OSBPL10: variants seen among roughly 807,000 people sequenced by gnomAD.
The protein encoded by OSBPL10 is oxysterol binding protein like 10.
In OSBPL10, 49 loss-of-function variants were observed where a neutral mutation model predicts 81.7. The ratio of observed to expected loss-of-function variants is 0.60; its 90% CI spans 0.48 to 0.76. OSBPL10 has a LOEUF of 0.76. Ranked by LOEUF, OSBPL10 falls within the 30% of genes least tolerant of loss-of-function variation. The pLI, the probability that OSBPL10 is intolerant of heterozygous loss-of-function variation, is 0.00. For missense variants in OSBPL10, 923 were observed against 987.8 expected (o/e 0.93, Z 0.88); for synonymous variants, 419 against 383.6 (o/e 1.09, Z -1.08).
chr3:31,838,926 C>T (rs887430157), intron 3 of OSBPL10, among the ~76,000 whole-genome samples: 1 of 152,206 alleles, frequency 6.6e-6, no homozygotes, highest in African/African-American at 2.4e-5. Flanking sequence ...GTAGACTACA[C>T]CCCGCATAGC....
At chr3:31,812,775 A>AACTTCTCC in intron 4 of OSBPL10, among the ~76,000 whole-genome samples, 1 of 52,100 alleles carries the variant, frequency 1.9e-5, no homozygotes, top group African/African-American at 9.0e-5. Context: ...AGAAAGAAAG[A>AACTTCTCC]AAGAAAGAAA....
intron 1 of OSBPL10, among the ~76,000 whole-genome samples, chr3:31,889,003 G>A (rs558872314): frequency 1.1e-3 from 167 of 152,106 alleles, no homozygotes; most frequent in African/African-American, 3.9e-3. Context: ...ATGATCTGAA[G>A]ATATTTCTCA....
Position 31,822,913 on chromosome 3 carries a change from T to TAAAAAAAAAAAA in OSBPL10, c.729+7115_729+7126dup, listed in dbSNP as rs71097447. 4.9e-3 allele frequency among the ~76,000 whole-genome samples: 437 copies of TAAAAAAAAAAAA among 88,964 alleles called. 24 individuals carry two copies. Among genetic ancestry groups the TAAAAAAAAAAAA allele is most frequent in the African/African-American group, 7.1e-3 (181 of 25,396 alleles). The allele number at this position is 88,964 out of a possible 152,430, so 58.4% of individuals were successfully genotyped here. A position where few individuals can be genotyped will look rare whatever the true frequency, so the allele number is the denominator to read the frequency against. ...TCCAACAGAGTGAGACCCCCAACTC[T>TAAAAAAAAAAAA]AAAAAAAAAAAAAAAGTTAAAATAG... is the stretch of plus-strand genomic sequence containing the variant. On this transcript the variant is annotated intron_variant, in intron 4 of 11. Transcript: ENST00000396556.
intron 1 of OSBPL10, among the ~76,000 whole-genome samples, chr3:31,886,620 G>A (rs1363396467): frequency 6.6e-6 from 1 of 152,190 alleles, no homozygotes; most frequent in Non-Finnish European, 1.5e-5. Flanking sequence ...CCTGACCAAT[G>A]GCAACTATGC....
chr3:31,722,851 A>G (rs958480251), intron 6 of OSBPL10, among the ~76,000 whole-genome samples: 1 of 152,170 alleles, frequency 6.6e-6, no homozygotes, highest in African/African-American at 2.4e-5. Flanking sequence ...TAAAGATTTG[A>G]TACTCTTACA....
chr3:32,068,239 G>C (rs1216901813), intron 1 of OSBPL10, among the ~76,000 whole-genome samples: 1 of 152,140 alleles, frequency 6.6e-6, no homozygotes, highest in African/African-American at 2.4e-5. Context: ...GTCTTCCCTT[G>C]GTGTTTAATC....
chr3:31,788,843 T>C (rs1250329777), intron 4 of OSBPL10, among the ~76,000 whole-genome samples: 7 of 152,120 alleles, frequency 4.6e-5, no homozygotes, highest in African/African-American at 1.4e-4. Flanking sequence ...ATAGACATTG[T>C]AGGAAATTTG....
At position 31,781,245 on chromosome 3, in the gene OSBPL10, A is replaced by T. The variant is rs536944180; in HGVS notation, c.730-33125T>A. 4.2e-4 allele frequency among the ~76,000 whole-genome samples: 64 copies of T among 152,354 alleles called. 2 individuals carry two copies. The South Asian group carries it at 0.013, about 31-fold the overall frequency. On this transcript the variant is annotated intron_variant, in intron 4 of 11. Coordinates refer to ENST00000396556, the MANE Select transcript of OSBPL10 (RefSeq NM_017784.5). ...TCATCTCAATAGCTGTGGAAAAAGC[A>T]TTTGACAAAATCCAGCATTACTTTA...
intron 4 of OSBPL10, among the ~76,000 whole-genome samples, chr3:31,764,510 AAG>A: frequency 6.6e-6 from 1 of 152,328 alleles, no homozygotes; most frequent in South Asian, 2.1e-4. Flanking sequence ...AGAATAAAGA[AAG>A]AGGAACGAAG....
chr3:31,768,126 G>A (rs1252908062), intron 4 of OSBPL10, among the ~76,000 whole-genome samples: 1 of 152,182 alleles, frequency 6.6e-6, no homozygotes, highest in Non-Finnish European at 1.5e-5. Flanking sequence ...AGGCCATATA[G>A]GGTAGTTTCC....
At chr3:32,060,399 G>A (rs1049513754) in intron 1 of OSBPL10, among the ~76,000 whole-genome samples, 4 of 152,048 alleles carry the variant, frequency 2.6e-5, no homozygotes, top group African/African-American at 9.7e-5. Context: ...AAATGCCCAG[G>A]CCGAACGCCA....
chr3:31,993,793 C>T (rs1229016242), intron 2 of OSBPL10, among the ~76,000 whole-genome samples: 1 of 152,050 alleles, frequency 6.6e-6, no homozygotes, highest in African/African-American at 2.4e-5. Context: ...AATACAGTCA[C>T]TTTGGAAAAC....
At chr3:32,069,289 A>G (rs1469160923) in intron 1 of OSBPL10, among the ~76,000 whole-genome samples, 1 of 152,064 alleles carries the variant, frequency 6.6e-6, no homozygotes, top group Non-Finnish European at 1.5e-5. Context: ...CTGTAGCCCA[A>G]TCTCATGCTG....
At chr3:31,809,684 T>C (rs1374456786) in intron 4 of OSBPL10, among the ~76,000 whole-genome samples, 1 of 152,164 alleles carries the variant, frequency 6.6e-6, no homozygotes, top group Admixed American at 6.5e-5. Flanking sequence ...TGACAACATG[T>C]AAAGTATTGT....
chr3:31,846,342 G>C (rs569601453), intron 3 of OSBPL10, among the ~76,000 whole-genome samples: 2 of 152,266 alleles, frequency 1.3e-5, no homozygotes, highest in Non-Finnish European at 2.9e-5. Context: ...ATCCTACTGG[G>C]GCCGGGCGAG....
At chr3:31,974,162 C>T (rs1186783338) in intron 1 of OSBPL10, among the ~76,000 whole-genome samples, 3 of 152,164 alleles carry the variant, frequency 2.0e-5, no homozygotes, top group Non-Finnish European at 4.4e-5. Context: ...CATGACATCC[C>T]AATGGCCGAT....
intron 1 of OSBPL10, among the ~76,000 whole-genome samples, chr3:31,894,895 T>C (rs1400564424): frequency 1.3e-5 from 2 of 152,290 alleles, no homozygotes; most frequent in African/African-American, 4.8e-5. Flanking sequence ...ATTGACTAAG[T>C]TCTAACTAAT....
chr3:32,044,848 G>A (rs575032282), intron 2 of OSBPL10, among the ~76,000 whole-genome samples: 1 of 150,816 alleles, frequency 6.6e-6, no homozygotes, highest in South Asian at 2.1e-4. Flanking sequence ...ATTATTTGCT[G>A]AAAGAATCTT....
At chr3:31,663,592 C>G in intron 11 of OSBPL10, 1 of 1,021,682 alleles carries the variant, frequency 9.8e-7, no homozygotes, top group Non-Finnish European at 1.2e-6. Context: ...TCAGGCTGGC[C>G]TTCCCCTGCA....
Sources: gnomAD v4.1 joint callset for allele counts (sites outside exome capture counted in the v4.1 genomes callset) on GRCh38, gnomAD v4.1.1 for gene constraint, MANE v1.5 for transcripts, NCBI Gene and HGNC (gene_info 2026-07-23, HGNC 2026-07-21) for gene names.